Variants in SHCBP1 observed in about 807,000 individuals in gnomAD.
SHCBP1 encodes SHC SH2 domain-binding protein 1.
In SHCBP1, 60 loss-of-function variants were observed where a neutral mutation model predicts 75.1. That is an observed-to-expected ratio of 0.80 (90% confidence interval 0.65 to 0.99). The LOEUF is 0.99. Ranked by LOEUF, SHCBP1 falls within the 50% of genes least tolerant of loss-of-function variation. The pLI is 0.00. For synonymous variants in SHCBP1, 290 were observed against 293.2 expected (o/e 0.99, Z 0.11); for missense variants, 709 against 809.4 (o/e 0.88, Z 1.50).
At chr16:46,588,832 A>G (rs1964994088) in intron 10 of SHCBP1, among the ~76,000 whole-genome samples, 1 of 152,236 alleles carries the variant, frequency 6.6e-6, no homozygotes, top group Admixed American at 6.5e-5. Flanking sequence ...TGAGGCCAGC[A>G]TCATCCTGAT....
At chr16:46,582,400 GC>G (rs1426272176) in intron 12 of SHCBP1, among the ~76,000 whole-genome samples, 2 of 152,184 alleles carry the variant, frequency 1.3e-5, no homozygotes, top group Non-Finnish European at 2.9e-5. Flanking sequence ...TTACTTTCAT[GC>G]CTATTAAATG....
At chr16:46,618,139 G>A (rs910064890) in intron 2 of SHCBP1, 66 bp downstream of exon 2, 13 of 1,468,460 alleles carry the variant, frequency 8.9e-6, no homozygotes, top group South Asian at 4.2e-5. Context: ...TCGCACCATC[G>A]CACTCCAGCC....
Position 46,603,544 on chromosome 16 carries a change from A to C in SHCBP1, c.1208T>G (p.Leu403Trp). The change falls in exon 8 of 13, where the codon TTG becomes TGG. Residue 403 changes from leucine to tryptophan, a missense_variant. Leu to Trp is a moderately conservative substitution (Grantham distance 61). Transcript: ENST00000303383. ...TGTGTGTCTTCCATACTCACCTTCC[A>C]ACTCAATGGAGTCAGCAATGGAGAA... ...GTFSIADSIE[L>W]EGYGLPDDIV... The C allele has an allele frequency of 6.2e-7, 1 of 1,614,182 alleles. No individual in the cohort carries two copies. Among genetic ancestry groups the C allele is most frequent in the Non-Finnish European group, 8.5e-7 (1 of 1,180,016 alleles).
Position 46,581,716 on chromosome 16 carries a change from T to G in SHCBP1, c.*13A>C, listed in dbSNP as rs1259304000. The G allele has an allele frequency of 6.2e-7, 1 of 1,606,252 alleles. No homozygotes were observed. Among genetic ancestry groups the G allele is most frequent in the Non-Finnish European group, 8.5e-7 (1 of 1,175,122 alleles). On this transcript the variant is annotated 3_prime_UTR_variant, in exon 13 of 13. Transcript: ENST00000303383. ...AAAATCCAGTATTTTGCTATCTACT[T>G]ACATCACTGTAGTCAGAAAAGAAAT...
Position 46,581,861 on chromosome 16 carries a change from CTTT to C in SHCBP1, c.1884_1886del (p.Ile628_Lys629delinsMet). ...TCCCCAGTTCACTCAACCTTTTCTT[CTTT>C]ATCTGGCCTTTCTGTGTGGAGGCAG... On this transcript the variant is annotated inframe_deletion, in exon 13 of 13. Coordinates refer to ENST00000303383, the MANE Select transcript of SHCBP1 (RefSeq NM_024745.5). The C allele has an allele frequency of 1.2e-6, 2 of 1,614,126 alleles. No individual in the cohort carries two copies. The highest frequency in any genetic ancestry group is 1.7e-6 in the Non-Finnish European group (2 of 1,180,008).
At chr16:46,595,027 T>C (rs1452108150) in intron 10 of SHCBP1, among the ~76,000 whole-genome samples, 1 of 152,212 alleles carries the variant, frequency 6.6e-6, no homozygotes, top group African/African-American at 2.4e-5. Flanking sequence ...TCTACATTTT[T>C]GAAATGATGA....
chr16:46,614,487 A>G (rs566815933), intron 4 of SHCBP1, among the ~76,000 whole-genome samples: 12 of 152,308 alleles, frequency 7.9e-5, no homozygotes, highest in African/African-American at 2.6e-4. Context: ...CTATCCAATA[A>G]AAGATTGATC....
chr16:46,614,625 C>T (rs1965467816), intron 4 of SHCBP1, among the ~76,000 whole-genome samples: 2 of 152,088 alleles, frequency 1.3e-5, no homozygotes, highest in South Asian at 4.2e-4. Flanking sequence ...GAATACATCC[C>T]CTAAGGATCC....
chr16:46,604,609 A>C (rs1320716396), intron 5 of SHCBP1, 148 bp from the exon 6 acceptor site: 1 of 495,512 alleles, frequency 2.0e-6, no homozygotes, highest in East Asian at 3.3e-5. Context: ...TAGCACTGTA[A>C]TAATAATAAT....
At chr16:46,583,393 T>C (rs1964901989) in intron 12 of SHCBP1, 123 bp downstream of exon 12, 3 of 1,002,052 alleles carry the variant, frequency 3.0e-6, no homozygotes, top group Non-Finnish European at 4.3e-6. Flanking sequence ...CTTCTCTCTC[T>C]CCATGCCCAA....
At chr16:46,612,627 C>T (rs1468235224) in intron 4 of SHCBP1, among the ~76,000 whole-genome samples, 2 of 152,136 alleles carry the variant, frequency 1.3e-5, no homozygotes, top group African/African-American at 2.4e-5. Flanking sequence ...GCCTCAGAGC[C>T]GTTGTACCTA....
At chr16:46,582,191 C>T in intron 12 of SHCBP1, 137 bp from the exon 13 acceptor site, 2 of 813,390 alleles carry the variant, frequency 2.5e-6, no homozygotes, top group South Asian at 1.8e-5. Context: ...CACAGGATCA[C>T]CAATTTTGAA....
chr16:46,615,614 C>T (rs540548292), intron 4 of SHCBP1, among the ~76,000 whole-genome samples: 1 of 152,148 alleles, frequency 6.6e-6, no homozygotes, highest in Admixed American at 6.5e-5. Flanking sequence ...GTGGTGCACA[C>T]CTGTAATCCC....
chr16:46,589,900 C>G (rs1343702451), intron 10 of SHCBP1, among the ~76,000 whole-genome samples: 3 of 151,976 alleles, frequency 2.0e-5, no homozygotes, highest in Non-Finnish European at 4.4e-5. Flanking sequence ...GGAGGCATCA[C>G]GCTACCTGAC....
Position 46,604,024 on chromosome 16 carries a change from AGC to A in SHCBP1, c.1041_1042del (p.Leu348TyrfsTer10). On this transcript the variant is annotated frameshift_variant, in exon 7 of 13. Coordinates refer to ENST00000303383, the MANE Select transcript of SHCBP1 (RefSeq NM_024745.5). LOFTEE classifies it high-confidence loss of function. ...AGGCTCCTGGCAAAGCCTGTCCGTA[AGC>A]AGGGACCGCAGGAGACCAGCCATCA... 6.2e-7 allele frequency: 1 copy of A among 1,614,104 alleles called. No homozygotes were observed. Among genetic ancestry groups the A allele is most frequent in the Non-Finnish European group, 8.5e-7 (1 of 1,180,012 alleles).
intron 1 of SHCBP1, among the ~76,000 whole-genome samples, chr16:46,620,110 T>C (rs1965562386): frequency 6.6e-6 from 1 of 152,214 alleles, no homozygotes; most frequent in Non-Finnish European, 1.5e-5. Flanking sequence ...TATGAAATGA[T>C]TACCACAGTA....
chr16:46,619,300 G>T (rs1438543279), intron 1 of SHCBP1, among the ~76,000 whole-genome samples: 1 of 152,230 alleles, frequency 6.6e-6, no homozygotes, highest in Non-Finnish European at 1.5e-5. Flanking sequence ...GTCTCCAGAA[G>T]TGGTTTCAGG....
chr16:46,604,394 G>C lies in SHCBP1; in HGVS notation c.757C>G (p.Gln253Glu). 1 of 1,614,142 alleles carries C rather than the reference G, an allele frequency of 6.2e-7. No homozygotes were observed. The highest frequency in any genetic ancestry group is 1.1e-5 in the South Asian group (1 of 91,084). The part of the protein sequence containing the change: ...LIVDYHNLLS[Q>E]CEESYRKFLN... ...AATTTCCTGTAACTCTCCTCACATT[G>C]AGACAACAGATTGTGGTAGTCAACA... Residue 253 changes from glutamine (Q) to glutamate (E), a missense_variant, in exon 6 of 13, where the codon CAA (glutamine) becomes GAA (glutamate). Gln to Glu is a conservative substitution (Grantham distance 29). Transcript: ENST00000303383.
At chr16:46,591,401 C>A (rs555063677) in intron 10 of SHCBP1, among the ~76,000 whole-genome samples, 113 of 152,126 alleles carry the variant, frequency 7.4e-4, no homozygotes, top group African/African-American at 2.6e-3. Context: ...ATAAAGTAGA[C>A]TTTGGAGCAA....
Sources: gnomAD v4.1 joint callset for allele counts (sites outside exome capture counted in the v4.1 genomes callset) on GRCh38, gnomAD v4.1.1 for gene constraint, MANE v1.5 for transcripts, NCBI Gene and HGNC (gene_info 2026-07-23, HGNC 2026-07-21) for gene names.